Variants in CIMIP6 observed in about 807,000 individuals in gnomAD.
CIMIP6 encodes the protein uncharacterized protein C2orf73.
At chr2:54,338,205 A>T in the CIMIP6 span, among the ~76,000 whole-genome samples, 1 of 152,166 alleles carries the variant, frequency 6.6e-6, no homozygotes, top group Non-Finnish European at 1.5e-5. Flanking sequence ...AGGCCAAGGC[A>T]GGAGGGTAAC....
At chr2:54,337,847 A>G in the CIMIP6 span, among the ~76,000 whole-genome samples, 1 of 152,204 alleles carries the variant, frequency 6.6e-6, no homozygotes, top group African/African-American at 2.4e-5. Flanking sequence ...GAGGAGAGTT[A>G]CAGAGAAAGA....
the CIMIP6 span, among the ~76,000 whole-genome samples, chr2:54,367,119 T>G: frequency 6.6e-6 from 1 of 152,064 alleles, no homozygotes; most frequent in African/African-American, 2.4e-5. Flanking sequence ...CTAATCGAGT[T>G]AGTTACTCAC....
chr2:54,374,369 T>C, the CIMIP6 span, among the ~76,000 whole-genome samples: 1 of 152,252 alleles, frequency 6.6e-6, no homozygotes, highest in African/African-American at 2.4e-5. Flanking sequence ...TAATTAAATT[T>C]GAGTGATCTG....
chr2:54,348,149 G>A, the CIMIP6 span, among the ~76,000 whole-genome samples: 1 of 152,154 alleles, frequency 6.6e-6, no homozygotes, highest in African/African-American at 2.4e-5. Context: ...TATTGGTTCA[G>A]TATTAAACTT....
chr2:54,355,737 T>C, the CIMIP6 span, among the ~76,000 whole-genome samples: 5 of 152,204 alleles, frequency 3.3e-5, no homozygotes, highest in African/African-American at 1.2e-4. Context: ...TCAACTGTTA[T>C]ATTTTTTATT....
the CIMIP6 span, chr2:54,343,684 T>C: frequency 6.7e-7 from 1 of 1,502,802 alleles, no homozygotes. Context: ...TGCCCTACAG[T>C]ATCCAATATT....
chr2:54,330,913 C>G, the CIMIP6 span: 3 of 1,547,536 alleles, frequency 1.9e-6, no homozygotes, highest in Non-Finnish European at 1.8e-6. Context: ...CACCCTTTTC[C>G]TGGCAGGGCT....
At chr2:54,332,621 C>T in the CIMIP6 span, among the ~76,000 whole-genome samples, 138 of 152,342 alleles carry the variant, frequency 9.1e-4, no homozygotes, top group Non-Finnish European at 1.6e-3. Context: ...CAAGAGATTG[C>T]TCGAGTCATA....
chr2:54,347,712 T>A, the CIMIP6 span, among the ~76,000 whole-genome samples: 6 of 152,132 alleles, frequency 3.9e-5, no homozygotes, highest in Non-Finnish European at 7.4e-5. Context: ...AACCTCTGCC[T>A]AGGATGGAGG....
chr2:54,363,552 T>C, the CIMIP6 span, among the ~76,000 whole-genome samples: 3 of 152,212 alleles, frequency 2.0e-5, no homozygotes, highest in African/African-American at 7.2e-5. Flanking sequence ...TCAGACCTAC[T>C]ATCAGGTCAT....
chr2:54,367,277 T>C, the CIMIP6 span, among the ~76,000 whole-genome samples: 1 of 152,148 alleles, frequency 6.6e-6, no homozygotes, highest in Non-Finnish European at 1.5e-5. Context: ...GGATGTTCTT[T>C]CATGAAATTA....
the CIMIP6 span, among the ~76,000 whole-genome samples, chr2:54,381,517 A>T: frequency 6.6e-6 from 1 of 152,236 alleles, no homozygotes; most frequent in Non-Finnish European, 1.5e-5. Context: ...GGAAACTGAG[A>T]CTGAGAGATG....
chr2:54,360,749 G>T, the CIMIP6 span: 1 of 567,926 alleles, frequency 1.8e-6, no homozygotes. Context: ...TCTCCAATAA[G>T]TGGAGTGAGA....
chr2:54,337,667 T>C, the CIMIP6 span, among the ~76,000 whole-genome samples: 2 of 152,190 alleles, frequency 1.3e-5, no homozygotes, highest in Non-Finnish European at 2.9e-5. Flanking sequence ...TCCTACTCTA[T>C]AGGTATGTTG....
chr2:54,380,018 C>T, the CIMIP6 span, among the ~76,000 whole-genome samples: 13 of 151,566 alleles, frequency 8.6e-5, no homozygotes, highest in South Asian at 6.3e-4. Flanking sequence ...TGTTGTGCAC[C>T]TCTAGTCCCA....
At chr2:54,334,929 G>A in the CIMIP6 span, 2 of 1,594,102 alleles carry the variant, frequency 1.3e-6, no homozygotes, top group African/African-American at 1.3e-5. Flanking sequence ...TGTTGGAAGA[G>A]GACGTATATA....
chr2:54,350,135 C>T, the CIMIP6 span, among the ~76,000 whole-genome samples: 5 of 152,146 alleles, frequency 3.3e-5, no homozygotes, highest in South Asian at 2.1e-4. Flanking sequence ...GGATTACAGG[C>T]GTGAGCCACC....
the CIMIP6 span, among the ~76,000 whole-genome samples, chr2:54,370,876 C>T: frequency 6.6e-6 from 1 of 152,162 alleles, no homozygotes; most frequent in Non-Finnish European, 1.5e-5. Flanking sequence ...GGGTCGCCTG[C>T]CAAGTGAACT....
At chr2:54,348,535 T>C in the CIMIP6 span, among the ~76,000 whole-genome samples, 1 of 152,200 alleles carries the variant, frequency 6.6e-6, no homozygotes. Context: ...TAATTATACA[T>C]TCTTCAACAA....
Sources: gnomAD v4.1 joint callset for allele counts (sites outside exome capture counted in the v4.1 genomes callset) on GRCh38, gnomAD v4.1.1 for gene constraint, MANE v1.5 for transcripts, NCBI Gene and HGNC (gene_info 2026-07-23, HGNC 2026-07-21) for gene names.